The following ABL1 variants were observed in gnomAD, a reference collection of about 807,000 sequenced individuals.
ABL1 encodes the protein tyrosine-protein kinase ABL1.
A neutral mutation model predicts 94.7 loss-of-function variants in ABL1; 11 were observed. The observed-to-expected ratio is 0.12, with a 90% CI of 0.07 to 0.19. The LOEUF is 0.19. ABL1 is among the 10% of genes least tolerant of loss of function. ABL1 has a pLI of 1.00. For synonymous variants in ABL1, 656 were observed against 622.4 expected (o/e 1.05, Z -0.80); for missense variants, 1,082 against 1,489.4 (o/e 0.73, Z 4.50).
intron 1 of ABL1, among the ~76,000 whole-genome samples, chr9:130,728,425 G>C (rs188295656): frequency 0.022 from 2,981 of 136,556 alleles, 47 homozygotes; most frequent in Non-Finnish European, 0.032. Flanking sequence ...TTGCTCTGTC[G>C]CCCAGGCTGG....
chr9:130,816,654 C>T (rs1190039343), intron 1 of ABL1, among the ~76,000 whole-genome samples: 1 of 152,058 alleles, frequency 6.6e-6, no homozygotes, highest in Non-Finnish European at 1.5e-5. Flanking sequence ...GATAGACATT[C>T]CCATTCCAAA....
intron 1 of ABL1, among the ~76,000 whole-genome samples, chr9:130,826,679 T>TG (rs1830429491): frequency 6.6e-6 from 1 of 152,044 alleles, no homozygotes; most frequent in Non-Finnish European, 1.5e-5. Context: ...GGGGATCAAT[T>TG]GAGAGCCTAT....
chr9:130,834,810 CGCGT>C, upstream of ABL1: 1 of 449,936 alleles, frequency 2.2e-6, no homozygotes, highest in Non-Finnish European at 4.5e-6. Flanking sequence ...TCACAGGACG[CGCGT>C]TGAGTAGAAA....
Position 130,887,468 on chromosome 9 carries a change from C to T in ABL1, c.*1785C>T, listed in dbSNP as rs1047375258. ...ATGTGCCACTATATTTTACACGTAT[C>T]TCTTGGTATGCATCTTTTATAGACG... On this transcript the variant is annotated 3_prime_UTR_variant, in exon 11 of 11. Transcript: ENST00000318560. The T allele has an allele frequency of 1.7e-5, 4 of 233,324 alleles. No individual in the cohort carries two copies. Among genetic ancestry groups the T allele is most frequent in the African/African-American group, 8.8e-5 (4 of 45,322 alleles). The allele number at this position is 233,324 out of a possible 1,614,324, so 14.5% of individuals were successfully genotyped here. A position where few individuals can be genotyped will look rare whatever the true frequency, so the allele number is the denominator to read the frequency against.
chr9:130,751,151 TTTTTTTTTG>T (rs1227439602), intron 1 of ABL1, among the ~76,000 whole-genome samples: 4 of 120,214 alleles, frequency 3.3e-5, no homozygotes, highest in African/African-American at 1.4e-4. Flanking sequence ...TTTTTTTTTT[TTTTTTTTTG>T]AGATGGAGTC....
At chr9:130,766,589 T>A (rs565079851) in intron 1 of ABL1, among the ~76,000 whole-genome samples, 1 of 152,270 alleles carries the variant, frequency 6.6e-6, no homozygotes, top group South Asian at 2.1e-4. Flanking sequence ...GCCTTAGGAC[T>A]TGGGGACAAG....
rs1306180302 is a variant in ABL1 at position 130,863,889 on chromosome 9, G to A, written c.822+854G>A. Among the ~76,000 whole-genome samples, 4 of 152,156 alleles carry A rather than the reference G, an allele frequency of 2.6e-5. No homozygotes were observed. The highest frequency in any genetic ancestry group is 5.9e-5 in the Non-Finnish European group (4 of 68,028). On this transcript the variant is annotated intron_variant, in intron 4 of 10. Coordinates refer to ENST00000318560, the MANE Select transcript of ABL1 (RefSeq NM_005157.6). This position sits in a 1 kb window ranked among gnomAD's most constrained non-coding sequence, Gnocchi z 4.3. ...TCAAGAGAGGCAGCCCCTTTTTAGA[G>A]CTGTTAGAAAAGAACTGAAACATCC...
At chr9:130,773,378 AAGAC>A (rs1832275632) in intron 1 of ABL1, among the ~76,000 whole-genome samples, 1 of 152,180 alleles carries the variant, frequency 6.6e-6, no homozygotes, top group Non-Finnish European at 1.5e-5. Flanking sequence ...GAAAATAAGA[AAGAC>A]AAGCCAAAAC....
intron 1 of ABL1, among the ~76,000 whole-genome samples, chr9:130,809,007 G>T (rs1455496550): frequency 6.6e-6 from 1 of 152,182 alleles, no homozygotes; most frequent in African/African-American, 2.4e-5. Flanking sequence ...AGACCGCGGT[G>T]CGGGGAGAAG....
intron 1 of ABL1, among the ~76,000 whole-genome samples, chr9:130,736,831 A>G (rs1281541940): frequency 2.0e-5 from 3 of 152,120 alleles, no homozygotes; most frequent in African/African-American, 4.8e-5. Flanking sequence ...ATACATACTT[A>G]TCTTTCTGTG....
At chr9:130,781,512 T>A (rs964403472) in intron 1 of ABL1, among the ~76,000 whole-genome samples, 1 of 152,218 alleles carries the variant, frequency 6.6e-6, no homozygotes, top group Non-Finnish European at 1.5e-5. Flanking sequence ...AGAAGAATCT[T>A]CCTCTGATTT....
rs138829212 is a variant in ABL1, at chr9:130,740,093, T to G, written c.136+25638T>G. ...TTAAATGTTATTTTAATCAGGTCAC[T>G]GCCCTGCATGCCAACTTCCACTGAA... On this transcript the variant is annotated intron_variant, in intron 1 of 10. Transcript: ENST00000372348. 7.4e-3 allele frequency among the ~76,000 whole-genome samples: 1,130 copies of G among 152,362 alleles called. 15 individuals are homozygous for G. The highest frequency in any genetic ancestry group is 0.026 in the African/African-American group (1,073 of 41,584).
rs1051516418 is a variant in ABL1, at chr9:130,860,877, G to A, written c.550-1886G>A. ...GGATTGGGAGCTGACCCCAGGTCCC[G>A]CTCCGTTTTCTTTGTGTGCAGCACT... is the stretch of plus-strand genomic sequence containing the variant. On this transcript the variant is annotated intron_variant, in intron 3 of 10. Transcript: ENST00000318560. Among the ~76,000 whole-genome samples the A allele has an allele frequency of 2.6e-5, 4 of 152,278 alleles. No individual in the cohort carries two copies. In the South Asian group the frequency reaches 8.3e-4, roughly 32 times the overall value.
chr9:130,756,145 CA>C (rs1227490950), intron 1 of ABL1, among the ~76,000 whole-genome samples: 1 of 152,110 alleles, frequency 6.6e-6, no homozygotes, highest in African/African-American at 2.4e-5. Flanking sequence ...AAAAGATCAA[CA>C]AATCCAAATG....
rs528911336 is a variant in ABL1 at position 130,860,158 on chromosome 9, A to G, written c.550-2605A>G. ...AACATGCCATGAATTCCTGATGATT[A>G]CACAGTTCCCCAACAAGTGCTGCTC... On this transcript the variant is annotated intron_variant, in intron 3 of 10. Transcript: ENST00000318560. 7.0e-4 allele frequency among the ~76,000 whole-genome samples: 106 copies of G among 152,310 alleles called. 1 individual carries two copies. The highest frequency in any genetic ancestry group is 2.5e-3 in the African/African-American group (102 of 41,566).
chr9:130,878,570 A>G lies in ABL1; in HGVS notation c.1423+3A>G. 3 of 1,613,988 alleles carry G rather than the reference A, an allele frequency of 1.9e-6. No homozygotes were observed. The highest frequency in any genetic ancestry group is 2.5e-6 in the Non-Finnish European group (3 of 1,179,902). On this transcript the variant is annotated splice_donor_region_variant and intron_variant, in intron 8 of 10. Coordinates refer to ENST00000318560, the MANE Select transcript of ABL1 (RefSeq NM_005157.6). ...GGTCTATGAACTCATGCGAGCATGT[A>G]AGCCTTCCTCAGCCTGTTCTCACGA...
At chr9:130,858,644 C>T (rs990012043) in intron 3 of ABL1, among the ~76,000 whole-genome samples, 3 of 152,142 alleles carry the variant, frequency 2.0e-5, no homozygotes, top group Admixed American at 1.3e-4. Flanking sequence ...TGCGTGTGAC[C>T]GTGTGGCTCG....
chr9:130,861,009 T>C (rs1588271784), intron 3 of ABL1, among the ~76,000 whole-genome samples: 2 of 152,314 alleles, frequency 1.3e-5, no homozygotes, highest in Admixed American at 1.3e-4. Context: ...CACATTCCTG[T>C]GTGCACGTTC....
intron 1 of ABL1, among the ~76,000 whole-genome samples, chr9:130,792,014 A>G (rs1337454123): frequency 6.6e-6 from 1 of 152,224 alleles, no homozygotes; most frequent in Non-Finnish European, 1.5e-5. Context: ...GACAACATTA[A>G]GTTGATCCAG....
Sources: gnomAD v4.1 joint callset for allele counts (sites outside exome capture counted in the v4.1 genomes callset) on GRCh38, gnomAD v4.1.1 for gene constraint, Gnocchi (gnomAD v3.1) non-coding constraint, MANE v1.5 for transcripts, NCBI Gene and HGNC (gene_info 2026-07-23, HGNC 2026-07-21) for gene names.